TMEM8B: variants seen among roughly 807,000 people sequenced by gnomAD.
TMEM8B encodes nasopharyngeal carcinoma expressed 6.
A neutral mutation model predicts 49.3 loss-of-function variants in TMEM8B; 29 were observed. The observed-to-expected ratio is 0.59, with a 90% CI of 0.44 to 0.80. TMEM8B has a LOEUF of 0.80. TMEM8B is among the 30% of genes least tolerant of loss of function. TMEM8B has a pLI of 0.00. For synonymous variants in TMEM8B, 264 were observed against 272.8 expected (o/e 0.97, Z 0.32); for missense variants, 575 against 658.5 (o/e 0.87, Z 1.39).
chr9:35,832,168 GGTGTGTGTGT>G lies in TMEM8B; in HGVS notation c.508+2236_508+2245del, dbSNP rs34044138. Reference sequence around the variant, plus strand: ...CTCAGCCTATGTGTGTAGGTGTAGGGGTGTGTGTGTGTGTGTGTGTGTGTGTGTGTGTATG... The same window carrying G: ...CTCAGCCTATGTGTGTAGGTGTAGGGGTGTGTGTGTGTGTGTGTGTGTATG... On this transcript the variant is annotated intron_variant, in intron 1 of 12. Coordinates refer to ENST00000643932, the MANE Select transcript of TMEM8B (RefSeq NM_001042590.4). Among the ~76,000 whole-genome samples the G allele has an allele frequency of 2.7e-5, 4 of 146,844 alleles. No individual in the cohort carries two copies. The East Asian group carries it at 6.0e-4, about 22-fold the overall frequency.
intron 9 of TMEM8B, 48 bp from the exon 10 acceptor site, chr9:35,846,769 C>A (rs767649907): frequency 6.3e-7 from 1 of 1,577,638 alleles, no homozygotes; most frequent in South Asian, 1.2e-5. Context: ...GGCGTAGGCC[C>A]ATAGCTGCCG....
chr9:35,846,086 G>T lies in TMEM8B; in HGVS notation c.1729+18G>T. 1 of 1,613,668 alleles carries T rather than the reference G, an allele frequency of 6.2e-7. No individual in the cohort carries two copies. Among genetic ancestry groups the T allele is most frequent in the Non-Finnish European group, 8.5e-7 (1 of 1,179,886 alleles). ...TTCCAAAGGTGAGGTGAGGAATGGGGGAGGAGAGGAAGCTGCAGTGTGGGG... is the reference window on the plus strand; with the variant it reads ...TTCCAAAGGTGAGGTGAGGAATGGGTGAGGAGAGGAAGCTGCAGTGTGGGG... On this transcript the variant is annotated intron_variant, in intron 7 of 12. Coordinates refer to ENST00000643932, the MANE Select transcript of TMEM8B (RefSeq NM_001042590.4).
intron 10 of TMEM8B, chr9:35,847,381 C>T (rs972015400): frequency 3.4e-6 from 2 of 592,246 alleles, no homozygotes; most frequent in Admixed American, 6.0e-5. Context: ...TTCCCCCACA[C>T]CTCTGCACAC....
In TMEM8B at chr9:35,853,441, G is replaced by T; in HGVS notation, c.2440-64G>T. 6.4e-7 allele frequency: 1 copy of T among 1,559,684 alleles called. No homozygotes were observed. Among genetic ancestry groups the T allele is most frequent in the South Asian group, 1.2e-5 (1 of 82,844 alleles). ...CAGGATACAGAGGAAACCTGAGAGT[G>T]ACCAGCTCTGGCTTGGGTTCCAGGG... On this transcript the variant is annotated intron_variant, in intron 12 of 12. Coordinates refer to ENST00000643932, the MANE Select transcript of TMEM8B (RefSeq NM_001042590.4). The surrounding 1 kb of genome is among the most constrained non-coding windows in gnomAD (Gnocchi z 4.2).
At chr9:35,845,849 G>A (rs973386372) in intron 6 of TMEM8B, 126 bp from the exon 7 acceptor site, 3 of 1,572,990 alleles carry the variant, frequency 1.9e-6, no homozygotes, top group Non-Finnish European at 2.6e-6. Context: ...CAGCTTTGGC[G>A]TGGAGAGCGC....
rs984077071 is a variant in TMEM8B at position 35,829,852 on chromosome 9, C to T, written c.405C>T (p.Ile135=). Residue 135 remains isoleucine (I), a synonymous_variant, in exon 1 of 13, where the codon ATC becomes ATT. Transcript: ENST00000643932. Reference sequence around the variant, plus strand: ...AGTCTCTCCCTCTAGTCCCCCCTATCTCTCATACTCTGCCCCTCTCCCAGC... The same window carrying T: ...AGTCTCTCCCTCTAGTCCCCCCTATTTCTCATACTCTGCCCCTCTCCCAGC... The part of the protein sequence containing the change: ...LPKSLPLVPP[I]SHTLPLSQPR... 4 of 416,154 alleles carry T rather than the reference C, an allele frequency of 9.6e-6. No individual in the cohort carries two copies. In the Admixed American group the frequency reaches 1.8e-4, roughly 18 times the overall value. 25.8% of individuals were successfully genotyped at this position (416,154 alleles called of 1,614,324 possible).
chr9:35,845,847 G>T lies in TMEM8B; in HGVS notation c.1636-128G>T, dbSNP rs542208447. The T allele has an allele frequency of 3.8e-6, 6 of 1,569,662 alleles. No individual in the cohort carries two copies. The Admixed American group carries it at 8.7e-5, about 23-fold the overall frequency. The stretch of plus-strand genomic sequence containing the variant: ...GAATGGAGGTGAGAGAGCAGCTTTG[G>T]CGTGGAGAGCGCCGGGAGGAATGGG... On this transcript the variant is annotated intron_variant, in intron 6 of 12. Coordinates refer to ENST00000643932, the MANE Select transcript of TMEM8B (RefSeq NM_001042590.4).
rs1451699336 is a variant in TMEM8B at position 35,842,612 on chromosome 9, C to T, written c.1530C>T (p.Gly510=). 1.9e-6 allele frequency: 3 copies of T among 1,614,242 alleles called. No individual in the cohort carries two copies. Among genetic ancestry groups the T allele is most frequent in the Admixed American group, 1.7e-5 (1 of 60,034 alleles). The change falls in exon 6 of 13, where the codon GGC becomes GGT. Residue 510 remains glycine, a synonymous_variant. Transcript: ENST00000643932. This position sits in a 1 kb window ranked among gnomAD's most constrained non-coding sequence, Gnocchi z 5.6. The part of the protein sequence containing the change: ...TFSVHFYIFF[G]PSVALPPERP... ...CTGTCCACTTCTACATCTTCTTTGG[C>T]CCAAGTGTGGCCCTTCCCCCTGAGC...
intron 6 of TMEM8B, 65 bp from the exon 7 acceptor site, chr9:35,845,910 C>T: frequency 6.2e-7 from 1 of 1,608,528 alleles, no homozygotes; most frequent in Non-Finnish European, 8.5e-7. Flanking sequence ...GGGTGGGAGT[C>T]TGAGGGTGGC....
At chr9:35,838,577 C>A (rs1468174775) in intron 3 of TMEM8B, among the ~76,000 whole-genome samples, 1 of 152,144 alleles carries the variant, frequency 6.6e-6, no homozygotes, top group East Asian at 1.9e-4. Context: ...GTCCTAATTT[C>A]TTTGAATCTC....
rs902781782 is a variant in TMEM8B at position 35,833,438 on chromosome 9, C to T, written c.509-1023C>T. ...GAGACCTTGCCTGCCATTTGGGACCCTCTTCCCCTGTCTGCTACTGGTTGC... is the reference window on the plus strand; with the variant it reads ...GAGACCTTGCCTGCCATTTGGGACCTTCTTCCCCTGTCTGCTACTGGTTGC... On this transcript the variant is annotated intron_variant, in intron 1 of 12. Transcript: ENST00000643932. 1.0e-5 allele frequency: 9 copies of T among 890,548 alleles called. No homozygotes were observed. The African/African-American group carries it at 1.6e-4, about 16-fold the overall frequency. 55.2% of individuals were successfully genotyped at this position (890,548 alleles called of 1,614,324 possible).
At position 35,864,454 on chromosome 9, in the gene TMEM8B, G is replaced by A. The variant is rs185014259; in HGVS notation, c.*10614G>A. On this transcript the variant is annotated 3_prime_UTR_variant, in exon 13 of 13. Coordinates refer to ENST00000643932, the MANE Select transcript of TMEM8B (RefSeq NM_001042590.4). ...CCTGGCTGTGTGGCAGAGAAGATGA[G>A]GATGGCCCTGGAGTCAGACGGGACT... The A allele has an allele frequency of 1.3e-5, 2 of 152,330 alleles. No individual in the cohort carries two copies. The highest frequency in any genetic ancestry group is 3.9e-4 in the East Asian group (2 of 5,184). The allele number at this position is 152,330 out of a possible 1,614,324, so 9.4% of individuals were successfully genotyped here. A position where few individuals can be genotyped will look rare whatever the true frequency, so the allele number is the denominator to read the frequency against.
At chr9:35,835,374 C>G in intron 3 of TMEM8B, 156 bp downstream of exon 3, 1 of 399,178 alleles carries the variant, frequency 2.5e-6, no homozygotes, top group East Asian at 3.6e-5. Flanking sequence ...AGCAGGTCAC[C>G]CAGTGGGTCA....
At chr9:35,849,629 A>G (rs1216432780) in intron 10 of TMEM8B, among the ~76,000 whole-genome samples, 3 of 152,210 alleles carry the variant, frequency 2.0e-5, no homozygotes, top group Non-Finnish European at 4.4e-5. Flanking sequence ...CATGTAACAG[A>G]TGATATTGCT....
In TMEM8B at chr9:35,829,529, C is replaced by T. The variant is rs1829631924; in HGVS notation, c.82C>T (p.His28Tyr). 7.5e-6 allele frequency: 3 copies of T among 397,888 alleles called. No individual in the cohort carries two copies. The highest frequency in any genetic ancestry group is 4.1e-5 in the African/African-American group (2 of 48,218). 24.6% of individuals were successfully genotyped at this position (397,888 alleles called of 1,614,324 possible). ...PPAPPSPRFP[H>Y]RPQPLPGSPS... ...AGCCCCGCCCTCGCCCCGCTTCCCA[C>T]ATCGGCCCCAGCCCCTGCCTGGGTC... Residue 28 changes from histidine (H) to tyrosine (Y), a missense_variant, in exon 1 of 13, where the codon CAT (histidine) becomes TAT (tyrosine). Transcript: ENST00000643932.
At position 35,853,929 on chromosome 9, in the gene TMEM8B, T is replaced by A; in HGVS notation, c.*89T>A. 1 of 1,436,484 alleles carries A rather than the reference T, an allele frequency of 7.0e-7. No homozygotes were observed. Among genetic ancestry groups the A allele is most frequent in the African/African-American group, 1.4e-5 (1 of 70,214 alleles). 89.0% of individuals were successfully genotyped at this position (1,436,484 alleles called of 1,614,324 possible). A position where few individuals can be genotyped will look rare whatever the true frequency, so the allele number is the denominator to read the frequency against. The stretch of plus-strand genomic sequence containing the variant: ...GGAGCCCTCTTAGAAGGAGACAGGC[T>A]GTATTTCTTGAGGACATGGAGTCTT... On this transcript the variant is annotated 3_prime_UTR_variant, in exon 13 of 13. Transcript: ENST00000643932. This position sits in a 1 kb window ranked among gnomAD's most constrained non-coding sequence, Gnocchi z 4.2.
intron 3 of TMEM8B, among the ~76,000 whole-genome samples, chr9:35,836,540 T>C (rs1427677541): frequency 6.6e-6 from 1 of 152,198 alleles, no homozygotes; most frequent in Non-Finnish European, 1.5e-5. Flanking sequence ...GGCCTAGGCC[T>C]GGGCTGGGAT....
chr9:35,830,340 C>T (rs1588112146), intron 1 of TMEM8B, among the ~76,000 whole-genome samples: 1 of 152,254 alleles, frequency 6.6e-6, no homozygotes, highest in Non-Finnish European at 1.5e-5. Context: ...TAGCCCAAAC[C>T]TTTGAGATAT....
rs1831522363 is a variant in TMEM8B, at chr9:35,846,130, G to A, written c.1729+62G>A. 4.3e-6 allele frequency: 7 copies of A among 1,610,158 alleles called. No individual in the cohort carries two copies. In the South Asian group the frequency reaches 5.5e-5, roughly 13 times the overall value. ...TGTGGGGGTGGTGGTGGCGGGCAGAGGTGAAGGTGGGGAGGGATGGAATGG... is the reference window on the plus strand; with the variant it reads ...TGTGGGGGTGGTGGTGGCGGGCAGAAGTGAAGGTGGGGAGGGATGGAATGG... On this transcript the variant is annotated intron_variant, in intron 7 of 12. Coordinates refer to ENST00000643932, the MANE Select transcript of TMEM8B (RefSeq NM_001042590.4).
Sources: allele counts gnomAD v4.1 joint callset (sites outside exome capture counted in the v4.1 genomes callset), GRCh38; gene constraint gnomAD v4.1.1; non-coding constraint Gnocchi (gnomAD v3.1); transcripts MANE v1.5; gene names NCBI Gene and HGNC (gene_info 2026-07-23, HGNC 2026-07-21).